SCARA5: variants seen among roughly 807,000 people sequenced by gnomAD.
The protein encoded by SCARA5 is scavenger receptor class A, member 5 (putative).
A neutral mutation model predicts 46.3 loss-of-function variants in SCARA5; 45 were observed. That is an observed-to-expected ratio of 0.97 (90% CI 0.76 to 1.24). The LOEUF (loss-of-function observed/expected upper bound fraction) is 1.24, where lower values mean the gene tolerates loss of function less well. Ranked by LOEUF, SCARA5 falls within the 50% of genes most tolerant of loss-of-function variation. SCARA5 has a pLI of 0.00. For missense variants in SCARA5, 680 were observed against 689.0 expected (o/e 0.99, Z 0.15); for synonymous variants, 333 against 306.5 (o/e 1.09, Z -0.90).
chr8:27,960,278 G>C (rs1176910290), intron 3 of SCARA5, among the ~76,000 whole-genome samples: 1 of 151,870 alleles, frequency 6.6e-6, no homozygotes, highest in East Asian at 1.9e-4. Flanking sequence ...CTGGGCTCGA[G>C]TGATCCTCCT....
At chr8:27,959,760 A>C (rs188606619) in intron 3 of SCARA5, among the ~76,000 whole-genome samples, 36 of 152,330 alleles carry the variant, frequency 2.4e-4, no homozygotes, top group Non-Finnish European at 5.9e-5. Flanking sequence ...TGTGACTCGC[A>C]GTTGTTTTTT....
chr8:27,924,154 C>G (rs909818259), intron 3 of SCARA5, among the ~76,000 whole-genome samples: 1 of 152,180 alleles, frequency 6.6e-6, no homozygotes, highest in Non-Finnish European at 1.5e-5. Flanking sequence ...GTTCCCCACT[C>G]TGCTCTGCAT....
At chr8:27,916,276 G>A (rs1807458617) in intron 4 of SCARA5, among the ~76,000 whole-genome samples, 1 of 152,222 alleles carries the variant, frequency 6.6e-6, no homozygotes, top group Non-Finnish European at 1.5e-5. Context: ...AAAGAGCAAA[G>A]CGTGAGAGTG....
chr8:27,956,501 A>G (rs1808209735), intron 3 of SCARA5, among the ~76,000 whole-genome samples: 1 of 152,170 alleles, frequency 6.6e-6, no homozygotes, highest in Non-Finnish European at 1.5e-5. Flanking sequence ...AAAGCACTTC[A>G]TGTATTATCT....
intron 7 of SCARA5, among the ~76,000 whole-genome samples, chr8:27,887,087 G>A (rs533780754): frequency 8.5e-4 from 130 of 152,316 alleles, no homozygotes; most frequent in African/African-American, 2.9e-3. Context: ...GATGCTCCAG[G>A]TAGAGGGCAA....
chr8:27,926,025 G>A (rs181032640), intron 3 of SCARA5, among the ~76,000 whole-genome samples: 9 of 152,332 alleles, frequency 5.9e-5, no homozygotes, highest in Non-Finnish European at 1.0e-4. Flanking sequence ...TTCAACCATC[G>A]TGGAAGACAG....
chr8:27,983,524 A>G (rs1345791922), intron 2 of SCARA5, among the ~76,000 whole-genome samples: 1 of 152,202 alleles, frequency 6.6e-6, no homozygotes, highest in Non-Finnish European at 1.5e-5. Context: ...CCTGCATCTC[A>G]GGTAAGGAGA....
chr8:27,967,230 C>G (rs538242709), intron 2 of SCARA5, among the ~76,000 whole-genome samples: 67 of 152,372 alleles, frequency 4.4e-4, no homozygotes, highest in Non-Finnish European at 8.4e-4. Context: ...CACTCCTCAG[C>G]TTCTGCTCAA....
chr8:27,974,963 A>T (rs749898289), intron 2 of SCARA5, among the ~76,000 whole-genome samples: 3 of 152,138 alleles, frequency 2.0e-5, no homozygotes, highest in Non-Finnish European at 4.4e-5. Context: ...TTCCAGAGTC[A>T]TAAGAGTGAT....
chr8:27,924,568 G>C (rs1807651937), intron 3 of SCARA5, among the ~76,000 whole-genome samples: 1 of 152,178 alleles, frequency 6.6e-6, no homozygotes. Context: ...ATTGCAAAAG[G>C]GTCCTGGCAC....
intron 3 of SCARA5, among the ~76,000 whole-genome samples, chr8:27,954,904 C>T (rs771957489): frequency 1.3e-5 from 2 of 152,168 alleles, no homozygotes; most frequent in Admixed American, 1.3e-4. Context: ...AAAGCTCTGG[C>T]AGAGAATACA....
At chr8:27,987,189 C>T (rs1335729975) in intron 2 of SCARA5, among the ~76,000 whole-genome samples, 2 of 152,168 alleles carry the variant, frequency 1.3e-5, no homozygotes, top group African/African-American at 2.4e-5. Context: ...TTGCCTGACC[C>T]GAGTCTCACT....
At chr8:27,913,334 C>G (rs910911329) in intron 4 of SCARA5, among the ~76,000 whole-genome samples, 1 of 152,180 alleles carries the variant, frequency 6.6e-6, no homozygotes, top group African/African-American at 2.4e-5. Flanking sequence ...TTGGCCAGAG[C>G]CTCGAGGGGC....
In SCARA5 at chr8:27,909,808, T is replaced by C; in HGVS notation, c.917-65A>G. 2.6e-6 allele frequency: 3 copies of C among 1,164,182 alleles called. No homozygotes were observed. The Admixed American group carries it at 6.4e-5, about 25-fold the overall frequency. The allele number at this position is 1,164,182 out of a possible 1,614,324, so 72.1% of individuals were successfully genotyped here. ...TTCTGAAACAGGACCAGGTCATCTG[T>C]AGAGGAAACAAAACGCCCTCTCTGA... On this transcript the variant is annotated intron_variant, in intron 4 of 8. Coordinates refer to ENST00000354914, the MANE Select transcript of SCARA5 (RefSeq NM_173833.6).
chr8:27,953,956 A>G (rs372299344), intron 3 of SCARA5, among the ~76,000 whole-genome samples: 1 of 152,094 alleles, frequency 6.6e-6, no homozygotes, highest in East Asian at 1.9e-4. Flanking sequence ...CAGAGGAGGG[A>G]GGCAAGGATT....
chr8:27,980,368 C>A (rs1217541312), intron 2 of SCARA5, among the ~76,000 whole-genome samples: 2 of 152,206 alleles, frequency 1.3e-5, no homozygotes, highest in Non-Finnish European at 2.9e-5. Flanking sequence ...ACCTGCCCAC[C>A]CAGGGCTCTG....
intron 3 of SCARA5, among the ~76,000 whole-genome samples, chr8:27,940,102 C>T (rs1807919277): frequency 6.6e-6 from 1 of 152,190 alleles, no homozygotes; most frequent in African/African-American, 2.4e-5. Flanking sequence ...AACAGCTCAC[C>T]ATCATTCCCC....
chr8:27,904,686 A>T, intron 7 of SCARA5, 92 bp downstream of exon 7: 1 of 1,151,846 alleles, frequency 8.7e-7, no homozygotes, highest in Non-Finnish European at 1.3e-6. Flanking sequence ...CCATGGCTCC[A>T]GCCTCTGAAC....
At chr8:27,872,621 T>C (rs903256398) in intron 8 of SCARA5, among the ~76,000 whole-genome samples, 1 of 152,234 alleles carries the variant, frequency 6.6e-6, no homozygotes, top group Non-Finnish European at 1.5e-5. Flanking sequence ...CAGAGCCTCT[T>C]CCTGGCCTGG....
Sources: gnomAD v4.1 joint callset for allele counts (sites outside exome capture counted in the v4.1 genomes callset) on GRCh38, gnomAD v4.1.1 for gene constraint, MANE v1.5 for transcripts, NCBI Gene and HGNC (gene_info 2026-07-23, HGNC 2026-07-21) for gene names.